Variants in GRAMD1B observed in about 807,000 individuals in gnomAD.
The protein encoded by GRAMD1B is GRAM domain containing 1B.
Under a neutral mutation model 99.7 loss-of-function variants are expected in GRAMD1B, and 37 were observed. The ratio of observed to expected loss-of-function variants is 0.37; its 90% confidence interval spans 0.29 to 0.49. The LOEUF (loss-of-function observed/expected upper bound fraction) is 0.49, where lower values mean the gene tolerates loss of function less well. GRAMD1B is among the 20% of genes least tolerant of loss of function. The pLI is 0.98. For synonymous variants in GRAMD1B, 427 were observed against 387.6 expected (o/e 1.10, Z -1.19); for missense variants, 888 against 1,009.2 (o/e 0.88, Z 1.63).
At chr11:123,495,072 A>G (rs972012094) in intron 2 of GRAMD1B, among the ~76,000 whole-genome samples, 1 of 151,806 alleles carries the variant, frequency 6.6e-6, no homozygotes, top group Admixed American at 6.6e-5. Flanking sequence ...TCAAACACCT[A>G]TCACTAAAAT....
chr11:123,533,183 C>T (rs2135573522), intron 2 of GRAMD1B, among the ~76,000 whole-genome samples: 1 of 151,998 alleles, frequency 6.6e-6, no homozygotes, highest in South Asian at 2.1e-4. Flanking sequence ...GTTGGTCAGT[C>T]TGGTCTCAAA....
chr11:123,462,115 C>T lies in GRAMD1B; in HGVS notation c.375-18701C>T, dbSNP rs1027014063. Among the ~76,000 whole-genome samples the T allele has an allele frequency of 3.9e-5, 6 of 151,922 alleles. No homozygotes were observed. The East Asian group carries it at 5.8e-4, about 15-fold the overall frequency. ...CCGAGTAGCTGGGACCACAGGCGCCCGCCACCATGCCTGGCCAATTTTTCT... is the reference window on the plus strand; with the variant it reads ...CCGAGTAGCTGGGACCACAGGCGCCTGCCACCATGCCTGGCCAATTTTTCT... On this transcript the variant is annotated intron_variant, in intron 1 of 19. Coordinates refer to ENST00000635736, the MANE Select transcript of GRAMD1B (RefSeq NM_001387025.1).
intron 14 of GRAMD1B, among the ~76,000 whole-genome samples, chr11:123,611,612 G>T (rs575024027): frequency 4.0e-4 from 61 of 152,164 alleles, no homozygotes; most frequent in African/African-American, 1.4e-3. Context: ...ACAGTGCCTA[G>T]GTTTCTTAAT....
intron 1 of GRAMD1B, among the ~76,000 whole-genome samples, chr11:123,369,354 T>A (rs1435515484): frequency 6.6e-6 from 1 of 151,880 alleles, no homozygotes; most frequent in Non-Finnish European, 1.5e-5. Flanking sequence ...ATAAGAAATA[T>A]CTAGATAGGG....
chr11:123,556,772 C>T (rs1946226033), intron 2 of GRAMD1B, among the ~76,000 whole-genome samples: 1 of 152,112 alleles, frequency 6.6e-6, no homozygotes, highest in South Asian at 2.1e-4. Flanking sequence ...GCGTAAGTTC[C>T]GTTTGTGGAA....
intron 2 of GRAMD1B, among the ~76,000 whole-genome samples, chr11:123,570,039 T>C (rs548005376): frequency 1.3e-5 from 2 of 152,362 alleles, no homozygotes; most frequent in Admixed American, 6.5e-5. Flanking sequence ...ACCTACCTGG[T>C]GGACACTGCA....
intron 1 of GRAMD1B, among the ~76,000 whole-genome samples, chr11:123,392,500 C>G (rs549924989): frequency 2.0e-5 from 3 of 151,942 alleles, no homozygotes; most frequent in South Asian, 4.2e-4. Context: ...TCTGGCAACT[C>G]TCCTCAGACC....
chr11:123,565,732 G>A (rs1015426186), intron 2 of GRAMD1B, among the ~76,000 whole-genome samples: 3 of 152,142 alleles, frequency 2.0e-5, no homozygotes, highest in African/African-American at 7.2e-5. Flanking sequence ...TGGGAGGATG[G>A]ATTACATGAC....
intron 1 of GRAMD1B, among the ~76,000 whole-genome samples, chr11:123,410,746 G>A (rs1383451603): frequency 6.6e-6 from 1 of 152,160 alleles, no homozygotes; most frequent in Non-Finnish European, 1.5e-5. Flanking sequence ...ATCACTTTAC[G>A]TAGGGAGAGG....
chr11:123,383,058 G>T (rs541195888), intron 1 of GRAMD1B, among the ~76,000 whole-genome samples: 1 of 152,136 alleles, frequency 6.6e-6, no homozygotes, highest in East Asian at 1.9e-4. Context: ...GTAGCAAGAT[G>T]GGGGGATCTA....
At chr11:123,467,836 TC>T (rs1950774576) in intron 1 of GRAMD1B, among the ~76,000 whole-genome samples, 2 of 82,412 alleles carry the variant, frequency 2.4e-5, no homozygotes, top group African/African-American at 4.2e-5. Flanking sequence ...CCTCCCTCCC[TC>T]CCTCCCTTCC....
intron 1 of GRAMD1B, among the ~76,000 whole-genome samples, chr11:123,394,887 C>A (rs1947405909): frequency 6.6e-6 from 1 of 152,172 alleles, no homozygotes; most frequent in African/African-American, 2.4e-5. Context: ...AACCCTGTTC[C>A]TCACTTGACA....
chr11:123,383,408 A>G (rs1182541427), intron 1 of GRAMD1B, among the ~76,000 whole-genome samples: 1 of 152,228 alleles, frequency 6.6e-6, no homozygotes, highest in Non-Finnish European at 1.5e-5. Flanking sequence ...CTAACCTTGC[A>G]AGTTCCAGTT....
intron 2 of GRAMD1B, chr11:123,560,250 G>T: frequency 1.9e-6 from 2 of 1,080,648 alleles, no homozygotes; most frequent in Non-Finnish European, 2.3e-6. Context: ...GCGCCTGTGC[G>T]CGTGCGTGCC....
intron 8 of GRAMD1B, among the ~76,000 whole-genome samples, chr11:123,601,860 T>C (rs934394426): frequency 6.6e-6 from 1 of 152,198 alleles, no homozygotes; most frequent in Non-Finnish European, 1.5e-5. Context: ...CACAAATAAT[T>C]GTAAGAATTG....
intron 1 of GRAMD1B, among the ~76,000 whole-genome samples, chr11:123,368,679 CA>C (rs58877377): frequency 1.4e-3 from 109 of 78,040 alleles, no homozygotes; most frequent in African/African-American, 5.2e-3. Context: ...GACTCTGTCT[CA>C]AAAAAAAAAA....
chr11:123,429,515 TCAGCAATGTAAGGGG>T (rs1382239142), upstream of GRAMD1B, among the ~76,000 whole-genome samples: 3 of 152,106 alleles, frequency 2.0e-5, no homozygotes, highest in African/African-American at 7.2e-5. This position sits in a 1 kb window ranked among gnomAD's most constrained non-coding sequence, Gnocchi z 4.0. Flanking sequence ...GAATCAGCCC[TCAGCAATGTAAGGGG>T]GGGTACCCTC....
intron 17 of GRAMD1B, among the ~76,000 whole-genome samples, chr11:123,617,965 G>A (rs1026925303): frequency 2.0e-5 from 3 of 152,162 alleles, no homozygotes; most frequent in African/African-American, 7.2e-5. Context: ...ATCCCTGCCA[G>A]CCGGTATCAG....
intron 1 of GRAMD1B, among the ~76,000 whole-genome samples, chr11:123,444,763 T>G (rs1412895639): frequency 6.6e-6 from 1 of 152,034 alleles, no homozygotes; most frequent in Admixed American, 6.6e-5. Flanking sequence ...CCTGCACGAG[T>G]TCAGCAACCC....
Sources: allele counts gnomAD v4.1 joint callset (sites outside exome capture counted in the v4.1 genomes callset), GRCh38; gene constraint gnomAD v4.1.1; non-coding constraint Gnocchi (gnomAD v3.1); transcripts MANE v1.5; gene names NCBI Gene and HGNC (gene_info 2026-07-23, HGNC 2026-07-21).